The following DPP6 variants were observed in gnomAD, a reference collection of about 807,000 sequenced individuals.
DPP6 encodes the protein A-type potassium channel modulatory protein DPP6.
In DPP6, 69 loss-of-function variants were observed where a neutral mutation model predicts 122.6. The observed-to-expected ratio is 0.56, with a 90% confidence interval of 0.46 to 0.69. DPP6 has a LOEUF of 0.69. Among genes scored for constraint, DPP6 ranks in the 30% least tolerant of loss-of-function variants. The pLI, the probability that DPP6 is intolerant of heterozygous loss-of-function variation, is 0.00. For synonymous variants in DPP6, 418 were observed against 433.1 expected, an observed-to-expected ratio of 0.97 and a Z score of 0.43; for missense variants, 928 against 1,116.9, an observed-to-expected ratio of 0.83 and a Z score of 2.41.
chr7:154,103,007 G>T (rs1805864078), intron 1 of DPP6, among the ~76,000 whole-genome samples: 1 of 152,052 alleles, frequency 6.6e-6, no homozygotes, highest in Admixed American at 6.5e-5. Flanking sequence ...CCAGCCCCAT[G>T]GGGTCAGAGG....
Position 154,443,431 on chromosome 7 carries a change from G to A in DPP6, c.244-2783G>A, listed in dbSNP as rs1372415874. On this transcript the variant is annotated intron_variant, in intron 1 of 25. Transcript: ENST00000377770. Reference sequence around the variant, plus strand: ...CTGTTTTATTCATTCTTGTATTCAAGGTTCTCAAAACCTAACCTGGCATAG... The same window carrying A: ...CTGTTTTATTCATTCTTGTATTCAAAGTTCTCAAAACCTAACCTGGCATAG... Among the ~76,000 whole-genome samples the A allele has an allele frequency of 4.6e-5, 7 of 152,186 alleles. No homozygotes were observed. In the East Asian group the frequency reaches 1.3e-3, roughly 29 times the overall value.
chr7:154,334,925 A>T (rs1809272156), intron 1 of DPP6, among the ~76,000 whole-genome samples: 1 of 152,122 alleles, frequency 6.6e-6, no homozygotes, highest in Non-Finnish European at 1.5e-5. Context: ...AAAAAAATAC[A>T]ACAATGTGTG....
intron 3 of DPP6, among the ~76,000 whole-genome samples, chr7:154,476,100 CTCT>C: frequency 1.3e-5 from 2 of 152,234 alleles, no homozygotes; most frequent in African/African-American, 4.8e-5. Flanking sequence ...TTAACAATGA[CTCT>C]TGGCTGTTAG....
At chr7:154,866,919 C>A (rs1366580324) in intron 17 of DPP6, among the ~76,000 whole-genome samples, 2 of 151,874 alleles carry the variant, frequency 1.3e-5, no homozygotes, top group Non-Finnish European at 2.9e-5. Flanking sequence ...CGTCCAGATT[C>A]TCCTAGTTAT....
intron 3 of DPP6, among the ~76,000 whole-genome samples, chr7:154,519,340 C>A (rs1219984787): frequency 1.3e-5 from 2 of 152,200 alleles, no homozygotes. Flanking sequence ...CCCCTGGAGC[C>A]AGCCAAATTC....
At chr7:154,675,058 G>A (rs545752784) in intron 7 of DPP6, among the ~76,000 whole-genome samples, 2 of 152,302 alleles carry the variant, frequency 1.3e-5, no homozygotes, top group Non-Finnish European at 2.9e-5. Context: ...GTTTTCCACA[G>A]AAGGTCACAG....
At chr7:154,330,719 C>T (rs555716774) in intron 1 of DPP6, among the ~76,000 whole-genome samples, 3 of 152,262 alleles carry the variant, frequency 2.0e-5, no homozygotes, top group South Asian at 4.2e-4. Context: ...GTGTACACAC[C>T]CTCTGGGGAG....
chr7:153,835,091 A>T, the DPP6 span, among the ~76,000 whole-genome samples: 1 of 152,208 alleles, frequency 6.6e-6, no homozygotes, highest in Non-Finnish European at 1.5e-5. Flanking sequence ...AATAGGTGTG[A>T]TGTTAGTGAA....
At chr7:154,435,251 G>A (rs1277955732) in intron 1 of DPP6, among the ~76,000 whole-genome samples, 5 of 152,114 alleles carry the variant, frequency 3.3e-5, no homozygotes, top group Admixed American at 3.3e-4. Flanking sequence ...AGAACAAGGA[G>A]AAGGAGGACG....
intron 4 of DPP6, among the ~76,000 whole-genome samples, chr7:154,548,669 A>C (rs1829400532): frequency 1.3e-5 from 2 of 152,180 alleles, no homozygotes; most frequent in South Asian, 4.1e-4. Context: ...CAGTCAGGGA[A>C]GGCCTTCTCT....
chr7:154,461,300 G>T (rs1821280994), intron 2 of DPP6, among the ~76,000 whole-genome samples: 1 of 152,098 alleles, frequency 6.6e-6, no homozygotes, highest in Non-Finnish European at 1.5e-5. Context: ...CAAATCTTGG[G>T]TATTGTAAAC....
intron 4 of DPP6, 149 bp from the exon 5 acceptor site, chr7:154,566,693 C>A: frequency 5.3e-6 from 3 of 563,480 alleles, no homozygotes; most frequent in Admixed American, 3.6e-5. Flanking sequence ...CATCAATTAG[C>A]TAAATATTAT....
intron 1 of DPP6, among the ~76,000 whole-genome samples, chr7:154,297,312 C>G (rs1053139930): frequency 6.6e-6 from 1 of 152,176 alleles, no homozygotes; most frequent in Non-Finnish European, 1.5e-5. Flanking sequence ...GGTACATAGG[C>G]AGCCATTAGA....
the DPP6 span, among the ~76,000 whole-genome samples, chr7:153,833,024 C>T: frequency 6.6e-6 from 1 of 152,200 alleles, no homozygotes; most frequent in Non-Finnish European, 1.5e-5. Context: ...ATATCATTTT[C>T]CTTTGCCGTG....
chr7:153,838,678 A>T, the DPP6 span, among the ~76,000 whole-genome samples: 1 of 152,230 alleles, frequency 6.6e-6, no homozygotes, highest in African/African-American at 2.4e-5. Context: ...ACCTCATTCC[A>T]TCTTAATGCC....
At chr7:154,237,575 T>C (rs1801299332) in intron 1 of DPP6, among the ~76,000 whole-genome samples, 1 of 152,170 alleles carries the variant, frequency 6.6e-6, no homozygotes, top group Admixed American at 6.5e-5. Context: ...CCACCTTCCC[T>C]GGACCAGGCT....
At chr7:154,794,001 G>A in intron 10 of DPP6, 78 bp from the exon 11 acceptor site, 1 of 1,551,068 alleles carries the variant, frequency 6.4e-7, no homozygotes, top group Non-Finnish European at 8.7e-7. Flanking sequence ...TCGTGTCCAG[G>A]GCTGGGGTCG....
chr7:154,187,831 A>C lies in DPP6; in HGVS notation c.243+134768A>C, dbSNP rs530040290. ...TCAGTAGTACATTATTATCTCCTAG[A>C]AAGCTTTAAAAAAAAAACTTCTGAT... On this transcript the variant is annotated intron_variant, in intron 1 of 25. Transcript: ENST00000377770. Among the ~76,000 whole-genome samples the C allele has an allele frequency of 1.5e-3, 228 of 152,244 alleles. 1 individual carries two copies. The highest frequency in any genetic ancestry group is 5.2e-3 in the African/African-American group (217 of 41,538).
At chr7:153,996,026 T>C (rs1797417953) in intron 1 of DPP6, among the ~76,000 whole-genome samples, 1 of 152,200 alleles carries the variant, frequency 6.6e-6, no homozygotes, top group Non-Finnish European at 1.5e-5. Context: ...TCATTTATTG[T>C]AGTAAATCCA....
Sources: allele counts gnomAD v4.1 joint callset (sites outside exome capture counted in the v4.1 genomes callset), GRCh38; gene constraint gnomAD v4.1.1; transcripts MANE v1.5; gene names NCBI Gene and HGNC (gene_info 2026-07-23, HGNC 2026-07-21).